Variants in NDST4 observed in about 807,000 individuals in gnomAD.
NDST4 encodes the protein N-deacetylase and N-sulfotransferase 4, also known as N-heparan sulfate sulfotransferase 4.
In NDST4, 63 loss-of-function variants were observed where a neutral mutation model predicts 100.8. The ratio of observed to expected loss-of-function variants is 0.62; its 90% CI spans 0.51 to 0.77. NDST4 has a LOEUF of 0.77. Among genes scored for constraint, NDST4 ranks in the 30% least tolerant of loss-of-function variants. NDST4 has a pLI of 0.00. For missense variants in NDST4, 943 were observed against 1,018.4 expected, an observed-to-expected ratio of 0.93 and a Z score of 1.01; for synonymous variants, 377 against 361.8, an observed-to-expected ratio of 1.04 and a Z score of -0.48.
intron 9 of NDST4, among the ~76,000 whole-genome samples, chr4:114,846,742 G>A (rs1723557281): frequency 6.6e-6 from 1 of 152,094 alleles, no homozygotes. Flanking sequence ...ACCCTCAAAT[G>A]TTCTAGAAAT....
At chr4:114,865,758 C>T (rs1000052190) in intron 7 of NDST4, among the ~76,000 whole-genome samples, 1 of 152,142 alleles carries the variant, frequency 6.6e-6, no homozygotes, top group Non-Finnish European at 1.5e-5. Context: ...TTGACAAGAA[C>T]ATGTTTGCAA....
intron 1 of NDST4, among the ~76,000 whole-genome samples, chr4:115,089,972 T>C (rs1426558950): frequency 6.6e-6 from 1 of 151,822 alleles, no homozygotes; most frequent in Non-Finnish European, 1.5e-5. Context: ...ATTTTATTTT[T>C]ATATTTTGGT....
chr4:115,039,997 T>C (rs1294400933), intron 2 of NDST4, among the ~76,000 whole-genome samples: 1 of 152,004 alleles, frequency 6.6e-6, no homozygotes, highest in Non-Finnish European at 1.5e-5. Context: ...GCATATATAT[T>C]CATACATACC....
intron 2 of NDST4, among the ~76,000 whole-genome samples, chr4:114,979,163 CA>C (rs537406685): frequency 1.1e-3 from 173 of 151,950 alleles, no homozygotes; most frequent in African/African-American, 4.0e-3. Context: ...AAAGCCTCCC[CA>C]GCTCCCAATG....
chr4:115,097,530 G>C (rs1477036776), intron 1 of NDST4, among the ~76,000 whole-genome samples: 6 of 151,980 alleles, frequency 3.9e-5, no homozygotes, highest in Non-Finnish European at 8.8e-5. Context: ...AATATATCTT[G>C]AATCTGAACA....
intron 1 of NDST4, among the ~76,000 whole-genome samples, chr4:115,103,737 A>C (rs1306550899): frequency 2.0e-5 from 3 of 152,198 alleles, no homozygotes; most frequent in African/African-American, 7.2e-5. Flanking sequence ...ATAAAATGCC[A>C]ACTTGGCCAT....
intron 2 of NDST4, among the ~76,000 whole-genome samples, chr4:114,986,994 A>G (rs1419909961): frequency 6.6e-6 from 1 of 151,594 alleles, no homozygotes; most frequent in Non-Finnish European, 1.5e-5. Flanking sequence ...TAATCACAAA[A>G]ATAACTCATA....
chr4:115,005,160 T>C (rs1193274768), intron 2 of NDST4, among the ~76,000 whole-genome samples: 1 of 152,216 alleles, frequency 6.6e-6, no homozygotes, highest in Non-Finnish European at 1.5e-5. Flanking sequence ...GTTTGCTAAA[T>C]ATTTTTGAGT....
intron 2 of NDST4, among the ~76,000 whole-genome samples, chr4:115,073,903 A>C (rs1729128677): frequency 6.6e-6 from 1 of 151,952 alleles, no homozygotes; most frequent in Non-Finnish European, 1.5e-5. Flanking sequence ...ATTATGTTGT[A>C]CATGAAAACT....
intron 4 of NDST4, among the ~76,000 whole-genome samples, chr4:114,958,342 A>G (rs140134510): frequency 6.8e-6 from 1 of 147,816 alleles, no homozygotes; most frequent in African/African-American, 2.7e-5. Flanking sequence ...TTTGTAAAAC[A>G]TAGCAAGAGT....
intron 7 of NDST4, among the ~76,000 whole-genome samples, chr4:114,855,959 T>C (rs1191307993): frequency 1.3e-5 from 2 of 152,228 alleles, no homozygotes; most frequent in Non-Finnish European, 1.5e-5. Context: ...TTGCATTTCA[T>C]AGTTAATAAA....
At chr4:115,018,300 C>G (rs1166663836) in intron 2 of NDST4, among the ~76,000 whole-genome samples, 3 of 151,890 alleles carry the variant, frequency 2.0e-5, no homozygotes, top group Admixed American at 6.6e-5. Context: ...ATATAGCAGA[C>G]AGATTTCTTA....
chr4:114,834,723 G>T (rs999163822), intron 11 of NDST4, among the ~76,000 whole-genome samples: 7 of 152,074 alleles, frequency 4.6e-5, no homozygotes, highest in South Asian at 4.1e-4. Context: ...GTAGAATTCG[G>T]CTGTGAAGCA....
chr4:115,083,786 C>T (rs1036785287), intron 1 of NDST4, among the ~76,000 whole-genome samples: 6 of 152,116 alleles, frequency 3.9e-5, no homozygotes, highest in African/African-American at 9.6e-5. Context: ...CTCTCGTCAC[C>T]CTGTGAAGAG....
At chr4:115,077,487 C>A (rs1200900485) in intron 1 of NDST4, among the ~76,000 whole-genome samples, 1 of 152,012 alleles carries the variant, frequency 6.6e-6, no homozygotes, top group South Asian at 2.1e-4. Flanking sequence ...GAACACAGAA[C>A]CCAATTTTAT....
intron 6 of NDST4, among the ~76,000 whole-genome samples, chr4:114,894,467 C>T (rs933004247): frequency 3.3e-5 from 5 of 151,954 alleles, no homozygotes; most frequent in African/African-American, 9.7e-5. Flanking sequence ...CTCTTGTTAG[C>T]TGTATTCCTA....
chr4:114,999,602 C>T (rs769222214), intron 2 of NDST4, among the ~76,000 whole-genome samples: 1 of 152,016 alleles, frequency 6.6e-6, no homozygotes, highest in South Asian at 2.1e-4. Flanking sequence ...ATTTGAAGCA[C>T]AATAACTGTA....
intron 1 of NDST4, among the ~76,000 whole-genome samples, chr4:115,105,678 C>T (rs916560810): frequency 6.6e-6 from 1 of 152,134 alleles, no homozygotes; most frequent in South Asian, 2.1e-4. Flanking sequence ...CCACAAAAGT[C>T]TTCTGAACAG....
intron 2 of NDST4, among the ~76,000 whole-genome samples, chr4:115,071,199 A>G (rs1729069938): frequency 6.6e-6 from 1 of 152,074 alleles, no homozygotes. Flanking sequence ...TTTGCCTTAA[A>G]AGTATTTACT....
Sources: allele counts gnomAD v4.1 joint callset (sites outside exome capture counted in the v4.1 genomes callset), GRCh38; gene constraint gnomAD v4.1.1; transcripts MANE v1.5; gene names NCBI Gene and HGNC (gene_info 2026-07-23, HGNC 2026-07-21).